The following GLB1L3 variants were observed in gnomAD, a reference collection of about 807,000 sequenced individuals.
GLB1L3 encodes galactosidase beta 1 like 3.
In GLB1L3, 89 loss-of-function variants were observed where a neutral mutation model predicts 89.5. The ratio of observed to expected loss-of-function variants is 0.99; its 90% CI spans 0.84 to 1.19. GLB1L3 has a LOEUF of 1.19. GLB1L3 is among the 50% of genes most tolerant of loss of function. The probability of loss-of-function intolerance (pLI) is 0.00; values close to 1 mark genes in which losing one functional copy is unlikely to be tolerated. For missense variants in GLB1L3, 812 were observed against 813.3 expected (o/e 1.00, Z 0.02); for synonymous variants, 314 against 312.3 (o/e 1.01, Z -0.06).
intron 1 of GLB1L3, 121 bp downstream of exon 1, chr11:134,276,884 G>A: frequency 1.1e-6 from 1 of 880,228 alleles, no homozygotes; most frequent in Non-Finnish European, 1.5e-6. Flanking sequence ...GCCGGGCCGC[G>A]CCACCAAGCC....
chr11:134,323,668 A>G (rs1292033230), downstream of GLB1L3, among the ~76,000 whole-genome samples: 1 of 152,216 alleles, frequency 6.6e-6, no homozygotes. Context: ...GTCATGGAAG[A>G]ATAACTTCTC....
At chr11:134,298,934 C>G (rs1941797263) in intron 9 of GLB1L3, among the ~76,000 whole-genome samples, 1 of 152,184 alleles carries the variant, frequency 6.6e-6, no homozygotes, top group Non-Finnish European at 1.5e-5. Flanking sequence ...TTCTGCAATT[C>G]AAATCGCACG....
chr11:134,296,328 C>A, intron 9 of GLB1L3, among the ~76,000 whole-genome samples: 1 of 137,088 alleles, frequency 7.3e-6, no homozygotes. Context: ...TTGACCCAGC[C>A]ATCCCATTAC....
At position 134,312,453 on chromosome 11, in the gene GLB1L3, A is replaced by G. The variant is rs371447227; in HGVS notation, c.1392A>G (p.Gly464=). 1 of 1,613,294 alleles carries G rather than the reference A, an allele frequency of 6.2e-7. No individual in the cohort carries two copies. The highest frequency in any genetic ancestry group is 8.5e-7 in the Non-Finnish European group (1 of 1,179,874). Residue 464 remains glycine (G), a synonymous_variant, in exon 14 of 20, where the codon GGA becomes GGG. Transcript: ENST00000431683. ...TGTATGAGAAGTCCATCTGCTCCGG[A>G]GGCCGCCTCCGTGCCCACGCTCATG... ...LVLYEKSICS[G]GRLRAHAHDV...
intron 9 of GLB1L3, among the ~76,000 whole-genome samples, chr11:134,303,091 G>T (rs143593585): frequency 1.3e-5 from 2 of 152,206 alleles, no homozygotes; most frequent in African/African-American, 4.8e-5. Flanking sequence ...GAGTCATCCT[G>T]TTTGTATGCA....
intron 12 of GLB1L3, 75 bp downstream of exon 12, chr11:134,310,726 G>A: frequency 8.6e-7 from 1 of 1,158,506 alleles, no homozygotes. Context: ...AGTGAGGAAG[G>A]CGTGGGTCTC....
At chr11:134,277,564 AC>A in intron 2 of GLB1L3, 113 bp downstream of exon 2, 4 of 1,524,660 alleles carry the variant, frequency 2.6e-6, no homozygotes, top group Non-Finnish European at 3.6e-6. Context: ...TGCACAGAAC[AC>A]GTCCTACTAA....
At chr11:134,305,280 G>A in intron 9 of GLB1L3, 1 of 679,830 alleles carries the variant, frequency 1.5e-6, no homozygotes, top group Non-Finnish European at 2.7e-6. Flanking sequence ...ACCCTATTCT[G>A]TAACTGATAA....
chr11:134,301,199 G>GTA (rs1380813881), intron 9 of GLB1L3, among the ~76,000 whole-genome samples: 2 of 152,138 alleles, frequency 1.3e-5, no homozygotes, highest in Non-Finnish European at 2.9e-5. Context: ...TGGATTTTAG[G>GTA]TATTTGGTTG....
At chr11:134,321,133 A>G (rs1943162299), downstream of GLB1L3, among the ~76,000 whole-genome samples, 1 of 152,228 alleles carries the variant, frequency 6.6e-6, no homozygotes, top group Non-Finnish European at 1.5e-5. Flanking sequence ...GCCAATGTCT[A>G]ACTTGAGGTA....
intron 8 of GLB1L3, 180 bp downstream of exon 8, chr11:134,292,393 C>T (rs1941404794): frequency 3.7e-6 from 2 of 534,562 alleles, no homozygotes; most frequent in African/African-American, 1.9e-5. Flanking sequence ...CTCAGGGCCA[C>T]TCACAGCTCC....
intron 8 of GLB1L3, 127 bp from the exon 9 acceptor site, chr11:134,293,018 G>A (rs1591551921): frequency 2.7e-6 from 2 of 741,830 alleles, no homozygotes; most frequent in East Asian, 2.7e-5. Context: ...GGTCCAGACA[G>A]CATCTCGCCA....
Position 134,319,202 on chromosome 11 carries a change from C to T in GLB1L3, c.*260C>T. On this transcript the variant is annotated 3_prime_UTR_variant, in exon 20 of 20. Transcript: ENST00000431683. The stretch of plus-strand genomic sequence containing the variant: ...ATCTCCTGACCTTGTGATCTGCTCT[C>T]CTCAGCCTCCCAAAGTACTGGGATT... 1 of 387,406 alleles carries T rather than the reference C, an allele frequency of 2.6e-6. No individual in the cohort carries two copies. The highest frequency in any genetic ancestry group is 3.5e-5 in the South Asian group (1 of 28,184). The allele number at this position is 387,406 out of a possible 1,614,324, so 24.0% of individuals were successfully genotyped here.
intron 10 of GLB1L3, among the ~76,000 whole-genome samples, chr11:134,308,404 TC>T (rs1942433472): frequency 3.1e-5 from 1 of 32,122 alleles, no homozygotes; most frequent in Non-Finnish European, 5.6e-5. Context: ...ACCATCACCA[TC>T]ACCACCACCA....
At chr11:134,292,786 G>A (rs919056236) in intron 8 of GLB1L3, 1 of 392,194 alleles carries the variant, frequency 2.5e-6, no homozygotes, top group East Asian at 6.0e-5. Context: ...CTGCCGTTCT[G>A]CCTCCTTAGT....
At chr11:134,324,565 G>C in the GLB1L3 span, among the ~76,000 whole-genome samples, 7 of 151,984 alleles carry the variant, frequency 4.6e-5, no homozygotes, top group Non-Finnish European at 7.4e-5. Flanking sequence ...CCTAATTTTT[G>C]CCGACCACTA....
chr11:134,293,057 G>A, intron 8 of GLB1L3, 88 bp from the exon 9 acceptor site: 1 of 1,013,608 alleles, frequency 9.9e-7, no homozygotes, highest in South Asian at 1.3e-5. Context: ...GGTTCCTCCT[G>A]CGTGCGTCCG....
downstream of GLB1L3, among the ~76,000 whole-genome samples, chr11:134,322,420 T>A (rs1311335974): frequency 6.6e-6 from 1 of 152,208 alleles, no homozygotes; most frequent in Non-Finnish European, 1.5e-5. Flanking sequence ...TACCATAAAA[T>A]TTTTCAAAAT....
At chr11:134,322,196 CAGA>C (rs1178316803), downstream of GLB1L3, among the ~76,000 whole-genome samples, 1 of 152,128 alleles carries the variant, frequency 6.6e-6, no homozygotes, top group African/African-American at 2.4e-5. Context: ...GACTTAAAGA[CAGA>C]AGGTGTTACT....
Sources: gnomAD v4.1 joint callset for allele counts (sites outside exome capture counted in the v4.1 genomes callset) on GRCh38, gnomAD v4.1.1 for gene constraint, MANE v1.5 for transcripts, NCBI Gene and HGNC (gene_info 2026-07-23, HGNC 2026-07-21) for gene names.